The following AGMO variants were observed in gnomAD, a reference collection of about 807,000 sequenced individuals.
The protein encoded by AGMO is glyceryl-ether monooxygenase.
A neutral mutation model predicts 60.2 loss-of-function variants in AGMO; 75 were observed. The ratio of observed to expected loss-of-function variants is 1.25; its 90% CI spans 1.03 to 1.51. AGMO has a LOEUF of 1.51. Among genes scored for constraint, AGMO ranks in the 40% most tolerant of loss-of-function variants. The pLI, the probability that AGMO is intolerant of heterozygous loss-of-function variation, is 0.00. For synonymous variants in AGMO, 261 were observed against 177.1 expected (o/e 1.47, Z -3.76); for missense variants, 763 against 525.5 (o/e 1.45, Z -4.42).
At chr7:15,345,793 A>T (rs1782012614) in intron 12 of AGMO, among the ~76,000 whole-genome samples, 1 of 152,132 alleles carries the variant, frequency 6.6e-6, no homozygotes, top group Non-Finnish European at 1.5e-5. Flanking sequence ...CCATCTGATA[A>T]ATCTCAAAGC....
chr7:15,236,782 T>G (rs200762929), intron 12 of AGMO, among the ~76,000 whole-genome samples: 1 of 151,684 alleles, frequency 6.6e-6, no homozygotes. Flanking sequence ...CAAAAAAAAA[T>G]GGAGTCTAGT....
chr7:15,348,893 CAT>C (rs765627889), intron 12 of AGMO, among the ~76,000 whole-genome samples: 19 of 152,176 alleles, frequency 1.2e-4, no homozygotes, highest in East Asian at 9.7e-4. Context: ...GTGATTTCTA[CAT>C]AGTGTCACTA....
the AGMO span, among the ~76,000 whole-genome samples, chr7:15,129,639 C>T: frequency 2.6e-5 from 4 of 152,010 alleles, no homozygotes; most frequent in Non-Finnish European, 5.9e-5. Flanking sequence ...GTATTAGTGG[C>T]CCACCACCTG....
chr7:15,219,464 A>G (rs146760556), intron 12 of AGMO, among the ~76,000 whole-genome samples: 54 of 152,244 alleles, frequency 3.5e-4, no homozygotes, highest in African/African-American at 1.3e-3. Flanking sequence ...TGGGGCCAGA[A>G]ACAACAATCC....
chr7:15,293,546 G>A (rs1385143883), intron 12 of AGMO, among the ~76,000 whole-genome samples: 1 of 151,924 alleles, frequency 6.6e-6, no homozygotes, highest in Non-Finnish European at 1.5e-5. Flanking sequence ...AAAAAATGTT[G>A]AAACAACAAC....
Position 15,460,564 on chromosome 7 carries a change from ACT to A in AGMO, c.410-29458_410-29457del, listed in dbSNP as rs1459769084. On this transcript the variant is annotated intron_variant, in intron 3 of 12. Transcript: ENST00000342526. ...TACTTGCTTTTCAGAAATAAATGTGACTCTTACATATTGTGTCAAAAATTTTA... is the reference window on the plus strand; with the variant it reads ...TACTTGCTTTTCAGAAATAAATGTGACTTACATATTGTGTCAAAAATTTTA... Among the ~76,000 whole-genome samples, 7 of 152,102 alleles carry A rather than the reference ACT, an allele frequency of 4.6e-5. No individual in the cohort carries two copies. In the East Asian group the frequency reaches 9.7e-4, roughly 21 times the overall value.
In AGMO at chr7:15,418,575, A is replaced by T. The variant is rs754148955; in HGVS notation, c.592T>A (p.Phe198Ile). 1 of 1,590,548 alleles carries T rather than the reference A, an allele frequency of 6.3e-7. No individual in the cohort carries two copies. Among genetic ancestry groups the T allele is most frequent in the Non-Finnish European group, 8.5e-7 (1 of 1,169,918 alleles). ...VHLQFNLLYQ[F>I]WIHTEVINNL... ...AGTTTTACCTCTGTATGGATCCAAA[A>T]TTGGTAAAGAAGATTGAATTGAAGA... The change falls in exon 5 of 13, where the codon TTT (phenylalanine) becomes ATT (isoleucine). Residue 198 changes from phenylalanine to isoleucine, a missense_variant. Coordinates refer to ENST00000342526, the MANE Select transcript of AGMO (RefSeq NM_001004320.2).
rs764615758 is a variant in AGMO, at chr7:15,202,073, C to A, written c.1264-714G>T. Among the ~76,000 whole-genome samples the A allele has an allele frequency of 2.6e-5, 4 of 152,144 alleles. No individual in the cohort carries two copies. In the East Asian group the frequency reaches 5.8e-4, roughly 22 times the overall value. On this transcript the variant is annotated intron_variant, in intron 12 of 12. Transcript: ENST00000342526. ...ACTATAGGATTGCTTTCCTGATCAC[C>A]ATTTTAGGTGGTTGGGTAACTGGAA...
At chr7:15,269,468 G>A (rs1583346684) in intron 12 of AGMO, among the ~76,000 whole-genome samples, 1 of 152,032 alleles carries the variant, frequency 6.6e-6, no homozygotes, top group Admixed American at 6.6e-5. Context: ...CCAAACTCAA[G>A]TGAGCTGGAA....
At chr7:15,463,555 G>T (rs1782200580) in intron 3 of AGMO, among the ~76,000 whole-genome samples, 1 of 152,156 alleles carries the variant, frequency 6.6e-6, no homozygotes, top group African/African-American at 2.4e-5. Context: ...TTCGAGCAAA[G>T]AATTAATAAG....
rs572652783 is a variant in AGMO at position 15,425,663 on chromosome 7, C to A, written c.513+5342G>T. Among the ~76,000 whole-genome samples the A allele has an allele frequency of 2.6e-5, 4 of 152,250 alleles. No individual in the cohort carries two copies. The East Asian group carries it at 7.7e-4, about 29-fold the overall frequency. On this transcript the variant is annotated intron_variant, in intron 4 of 12. Transcript: ENST00000342526. ...TGATATTGCTTCGGCTAGTCTTGAACTCCTGGGCTCAAGCAATCTGCCTGC... is the reference window on the plus strand; with the variant it reads ...TGATATTGCTTCGGCTAGTCTTGAAATCCTGGGCTCAAGCAATCTGCCTGC...
chr7:15,387,160 T>C (rs1783950350), intron 9 of AGMO, among the ~76,000 whole-genome samples: 2 of 152,194 alleles, frequency 1.3e-5, no homozygotes, highest in Non-Finnish European at 2.9e-5. Context: ...AAAACCAGCC[T>C]CTGCAGCACT....
At chr7:15,384,492 CCAT>C (rs1783831902) in intron 10 of AGMO, among the ~76,000 whole-genome samples, 1 of 151,964 alleles carries the variant, frequency 6.6e-6, no homozygotes, top group Admixed American at 6.6e-5. Context: ...TATATTTTAT[CCAT>C]CAATTTTAAG....
the AGMO span, among the ~76,000 whole-genome samples, chr7:15,159,512 T>G: frequency 6.6e-6 from 1 of 152,134 alleles, no homozygotes; most frequent in African/African-American, 2.4e-5. Flanking sequence ...TCATTCTCAT[T>G]TAGAATGTAC....
chr7:15,266,714 T>C (rs1583344110), intron 12 of AGMO, among the ~76,000 whole-genome samples: 1 of 151,864 alleles, frequency 6.6e-6, no homozygotes, highest in East Asian at 1.9e-4. Flanking sequence ...TCCTCACTGA[T>C]ATAAACATTA....
At chr7:15,480,594 A>G (rs1174249996) in intron 3 of AGMO, among the ~76,000 whole-genome samples, 2 of 152,210 alleles carry the variant, frequency 1.3e-5, no homozygotes, top group Admixed American at 6.6e-5. Flanking sequence ...CTTTCTGGCT[A>G]CATACCAATT....
At chr7:15,224,320 G>T in intron 12 of AGMO, among the ~76,000 whole-genome samples, 1 of 152,054 alleles carries the variant, frequency 6.6e-6, no homozygotes, top group East Asian at 1.9e-4. Context: ...CCAAACTGAT[G>T]GTATTATGAG....
intron 10 of AGMO, among the ~76,000 whole-genome samples, chr7:15,376,599 T>A (rs1295922760): frequency 6.6e-6 from 1 of 152,156 alleles, no homozygotes; most frequent in Non-Finnish European, 1.5e-5. Flanking sequence ...GTAACTTTAT[T>A]ACATATCCTA....
the AGMO span, among the ~76,000 whole-genome samples, chr7:15,179,367 TC>T: frequency 6.6e-6 from 1 of 152,126 alleles, no homozygotes; most frequent in Admixed American, 6.6e-5. Context: ...TTATCTACTT[TC>T]AGAATATAAT....
Sources: gnomAD v4.1 joint callset for allele counts (sites outside exome capture counted in the v4.1 genomes callset) on GRCh38, gnomAD v4.1.1 for gene constraint, MANE v1.5 for transcripts, NCBI Gene and HGNC (gene_info 2026-07-23, HGNC 2026-07-21) for gene names.